The following BNC2 variants were observed in gnomAD, a reference collection of about 807,000 sequenced individuals.
BNC2 encodes zinc finger protein basonuclin-2.
A neutral mutation model predicts 76.3 loss-of-function variants in BNC2; 20 were observed. That is an observed-to-expected ratio of 0.26 (90% CI 0.18 to 0.38). The LOEUF is 0.38. BNC2 is among the 10% of genes least tolerant of loss of function. The pLI is 1.00. For synonymous variants in BNC2, 582 were observed against 514.8 expected (o/e 1.13, Z -1.77); for missense variants, 1,382 against 1,399.8 (o/e 0.99, Z 0.20).
chr9:16,754,138 G>A (rs1417508502), intron 1 of BNC2, among the ~76,000 whole-genome samples: 1 of 152,188 alleles, frequency 6.6e-6, no homozygotes, highest in East Asian at 1.9e-4. Flanking sequence ...ATTAGAACTG[G>A]TGGTCTACAG....
At chr9:16,547,925 G>C (rs1818537728) in intron 5 of BNC2, among the ~76,000 whole-genome samples, 1 of 152,182 alleles carries the variant, frequency 6.6e-6, no homozygotes, top group Non-Finnish European at 1.5e-5. Context: ...GAAAGATCCA[G>C]TATGTAGTTA....
chr9:16,784,975 C>T (rs1181818679), intron 1 of BNC2, among the ~76,000 whole-genome samples: 3 of 152,020 alleles, frequency 2.0e-5, no homozygotes, highest in Admixed American at 1.3e-4. Context: ...CCCGTGAGAC[C>T]CAGAGAATGG....
intron 3 of BNC2, among the ~76,000 whole-genome samples, chr9:16,627,669 C>T (rs1016658233): frequency 2.1e-4 from 32 of 152,064 alleles, no homozygotes; most frequent in African/African-American, 7.7e-4. Context: ...CTCCTCACAC[C>T]CTGTGGTATT....
chr9:16,627,119 C>G (rs903379531), intron 3 of BNC2, among the ~76,000 whole-genome samples: 5 of 152,116 alleles, frequency 3.3e-5, no homozygotes, highest in Admixed American at 3.3e-4. Context: ...AGAGACAGAC[C>G]TGGTTCTAAT....
At chr9:16,430,571 G>A (rs1262839912) in intron 6 of BNC2, among the ~76,000 whole-genome samples, 2 of 152,164 alleles carry the variant, frequency 1.3e-5, no homozygotes, top group Non-Finnish European at 2.9e-5. Context: ...ACAGGAGGCA[G>A]GTAACATGTT....
At chr9:16,477,761 G>C (rs1432879862) in intron 5 of BNC2, among the ~76,000 whole-genome samples, 1 of 151,896 alleles carries the variant, frequency 6.6e-6, no homozygotes, top group Non-Finnish European at 1.5e-5. Context: ...TCATGATCCT[G>C]AATCAAGAGG....
At position 16,409,959 on chromosome 9, in the gene BNC2, A is replaced by T. The variant is rs1017729439; in HGVS notation, c.*9030T>A. On this transcript the variant is annotated 3_prime_UTR_variant, in exon 7 of 7. Coordinates refer to ENST00000380672, the MANE Select transcript of BNC2 (RefSeq NM_017637.6). ...GGAATAAACAGCTAAACTCTGGGAG[A>T]GGGAGAGGACATATCTTAGTGAAAA... The T allele has an allele frequency of 6.6e-6, 1 of 152,364 alleles. No homozygotes were observed. The highest frequency in any genetic ancestry group is 1.5e-5 in the Non-Finnish European group (1 of 68,034). 9.4% of individuals were successfully genotyped at this position (152,364 alleles called of 1,614,324 possible).
At chr9:16,461,755 G>A (rs1033731703) in intron 5 of BNC2, among the ~76,000 whole-genome samples, 13 of 152,168 alleles carry the variant, frequency 8.5e-5, no homozygotes, top group African/African-American at 2.9e-4. Flanking sequence ...TGTCAGCTAC[G>A]TGGTTTTACA....
intron 1 of BNC2, among the ~76,000 whole-genome samples, chr9:16,815,189 G>C (rs1818153539): frequency 6.6e-6 from 1 of 152,164 alleles, no homozygotes; most frequent in African/African-American, 2.4e-5. Flanking sequence ...TAGAGGAAAA[G>C]AGCCCTGCAT....
chr9:16,520,176 G>A (rs948868091), intron 5 of BNC2, among the ~76,000 whole-genome samples: 1 of 152,122 alleles, frequency 6.6e-6, no homozygotes, highest in East Asian at 1.9e-4. Context: ...CTTCTTGATG[G>A]GACTCTCAGG....
chr9:16,565,091 A>G (rs1288973018), intron 4 of BNC2, among the ~76,000 whole-genome samples: 5 of 152,286 alleles, frequency 3.3e-5, no homozygotes, highest in African/African-American at 1.2e-4. Context: ...CATTACTACA[A>G]GGGCTCCTAA....
chr9:16,594,394 C>T (rs998145621), intron 3 of BNC2, among the ~76,000 whole-genome samples: 1 of 152,112 alleles, frequency 6.6e-6, no homozygotes, highest in Admixed American at 6.6e-5. Context: ...GAAAGGAGTT[C>T]CTCTAAATCT....
intron 1 of BNC2, among the ~76,000 whole-genome samples, chr9:16,781,199 A>G (rs1258580364): frequency 6.7e-6 from 1 of 149,872 alleles, no homozygotes; most frequent in African/African-American, 2.5e-5. Context: ...TTTTACTTGA[A>G]CAGATACAAA....
At chr9:16,637,950 G>T (rs1048389988) in intron 3 of BNC2, among the ~76,000 whole-genome samples, 1 of 152,182 alleles carries the variant, frequency 6.6e-6, no homozygotes, top group Non-Finnish European at 1.5e-5. Flanking sequence ...GAGGGAACAT[G>T]CAAAAAATCA....
chr9:16,486,933 C>G (rs1822176366), intron 5 of BNC2, among the ~76,000 whole-genome samples: 1 of 152,164 alleles, frequency 6.6e-6, no homozygotes, highest in South Asian at 2.1e-4. Flanking sequence ...CCAGGCTGGT[C>G]TCTCGGATCA....
At chr9:16,812,367 G>A (rs1818074876) in intron 1 of BNC2, among the ~76,000 whole-genome samples, 1 of 152,222 alleles carries the variant, frequency 6.6e-6, no homozygotes, top group South Asian at 2.1e-4. Flanking sequence ...AGTCTTCTGT[G>A]CAAATGTGGG....
At chr9:16,857,115 T>C (rs1459921392) in intron 1 of BNC2, among the ~76,000 whole-genome samples, 2 of 152,110 alleles carry the variant, frequency 1.3e-5, no homozygotes, top group Non-Finnish European at 2.9e-5. Flanking sequence ...ATGTGTCAAT[T>C]GGGATAAATG....
At chr9:16,740,778 G>A (rs897364867) in intron 1 of BNC2, among the ~76,000 whole-genome samples, 8 of 152,080 alleles carry the variant, frequency 5.3e-5, no homozygotes, top group African/African-American at 1.7e-4. Context: ...AAGCCAGAGG[G>A]AAAATGGTAT....
At chr9:16,869,500 G>A (rs1819623496) in intron 1 of BNC2, among the ~76,000 whole-genome samples, 2 of 152,128 alleles carry the variant, frequency 1.3e-5, no homozygotes, top group Non-Finnish European at 2.9e-5. Context: ...TGAAACAAGA[G>A]ATGTCACATT....
Sources: allele counts gnomAD v4.1 joint callset (sites outside exome capture counted in the v4.1 genomes callset), GRCh38; gene constraint gnomAD v4.1.1; transcripts MANE v1.5; gene names NCBI Gene and HGNC (gene_info 2026-07-23, HGNC 2026-07-21).